Variants in HMGN5 observed in about 807,000 individuals in gnomAD.
HMGN5 encodes the protein high mobility group nucleosome-binding domain-containing protein 5.
In HMGN5, 4 loss-of-function variants were observed where a neutral mutation model predicts 9.5. The ratio of observed to expected loss-of-function variants is 0.42; its 90% CI spans 0.21 to 0.96. The LOEUF is 0.96. Among genes scored for constraint, HMGN5 ranks in the 40% least tolerant of loss-of-function variants. The pLI is 0.30. For missense variants in HMGN5, 192 were observed against 187.5 expected (o/e 1.02, Z -0.14); for synonymous variants, 55 against 57.1 (o/e 0.96, Z 0.16).
chrX:81,148,582 A>T (rs1187605377), intron 1 of HMGN5, among the ~76,000 whole-genome samples: 1 of 112,030 alleles, frequency 8.9e-6, no homozygotes, highest in Non-Finnish European at 1.9e-5. Context: ...CAAAGACTTC[A>T]TGACTAAATC....
chrX:81,145,223 A>C (rs1273406110), intron 1 of HMGN5, among the ~76,000 whole-genome samples: 1 of 111,990 alleles, frequency 8.9e-6, no homozygotes, highest in East Asian at 2.8e-4. Context: ...GAAATGAAGA[A>C]AAAAATGTTA....
chrX:81,129,626 A>G (rs2075293471), intron 1 of HMGN5, among the ~76,000 whole-genome samples: 1 of 111,631 alleles, frequency 9.0e-6, no homozygotes, highest in Non-Finnish European at 1.9e-5. Flanking sequence ...AAATCCATTT[A>G]CACTTCTCTT....
rs143203142 is a variant in HMGN5 at position 81,146,875 on chromosome X, C to T, written c.-123-25203G>A. Among the ~76,000 whole-genome samples, 18 of 111,891 alleles carry T rather than the reference C, an allele frequency of 1.6e-4. No individual in the cohort carries two copies. In the East Asian group the frequency reaches 3.4e-3, roughly 21 times the overall value. The stretch of plus-strand genomic sequence containing the variant: ...TCAGAGAATACTATAAACACCTCTA[C>T]GCCAATAAGCTAGGAAATCTAGAAG... On this transcript the variant is annotated intron_variant, in intron 1 of 6. Coordinates refer to ENST00000358130, the MANE Select transcript of HMGN5 (RefSeq NM_030763.3).
In HMGN5 at chrX:81,119,805, C is replaced by T; in HGVS notation, c.28G>A (p.Gly10Ser). Residue 10 changes from glycine (G) to serine (S), a missense_variant, in exon 3 of 7, where the codon GGT (glycine) becomes AGT (serine). Transcript: ENST00000358130. The stretch of plus-strand genomic sequence containing the variant: ...AAACTCACCTCCTGCCTCATATCAC[C>T]TTGACCTGCAGCCTACACAGAGGAG... MPKRKAAGQ[G>S]DMRQEPKRRS... The T allele has an allele frequency of 8.3e-7, 1 of 1,206,302 alleles. No homozygotes were observed. Among genetic ancestry groups the T allele is most frequent in the South Asian group, 1.8e-5 (1 of 56,803 alleles).
chrX:81,199,568 AAC>A (rs1044220287), intron 1 of HMGN5, among the ~76,000 whole-genome samples: 2 of 111,895 alleles, frequency 1.8e-5, no homozygotes, highest in African/African-American at 6.5e-5. Flanking sequence ...TCTCAGAAAT[AAC>A]ACCACACATC....
At chrX:81,190,426 C>A (rs760435407) in intron 1 of HMGN5, among the ~76,000 whole-genome samples, 1 of 111,008 alleles carries the variant, frequency 9.0e-6, no homozygotes, top group Non-Finnish European at 1.9e-5. Flanking sequence ...GACATTCTCA[C>A]GACCCCATAA....
chrX:81,200,132 A>T (rs1382468158), intron 1 of HMGN5, among the ~76,000 whole-genome samples: 1 of 112,924 alleles, frequency 8.9e-6, no homozygotes, highest in Non-Finnish European at 1.9e-5. Context: ...AATGCTCATC[A>T]TCACTGGTCA....
chrX:81,114,606 T>C lies in HMGN5; in HGVS notation c.*43A>G, dbSNP rs750169818. 6 of 1,035,518 alleles carry C rather than the reference T, an allele frequency of 5.8e-6. No homozygotes were observed. The highest frequency in any genetic ancestry group is 7.5e-6 in the Non-Finnish European group (6 of 803,343). 85.3% of individuals were successfully genotyped at this position (1,035,518 alleles called of 1,213,427 possible). A position where few individuals can be genotyped will look rare whatever the true frequency, so the allele number is the denominator to read the frequency against. On this transcript the variant is annotated 3_prime_UTR_variant, in exon 7 of 7. Transcript: ENST00000358130. The stretch of plus-strand genomic sequence containing the variant: ...ATTTATCTCTATTAACTTTACAACA[T>C]GAAGGTACATGTTACCAAATTATGA...
At chrX:81,170,454 C>T (rs996865575) in intron 1 of HMGN5, among the ~76,000 whole-genome samples, 4 of 111,390 alleles carry the variant, frequency 3.6e-5, no homozygotes, top group African/African-American at 1.3e-4. Context: ...GGTTATATTC[C>T]TTTTCTAGTA....
At chrX:81,174,019 A>T (rs756359712) in intron 1 of HMGN5, among the ~76,000 whole-genome samples, 4 of 111,528 alleles carry the variant, frequency 3.6e-5, no homozygotes, top group East Asian at 2.8e-4. Flanking sequence ...AAAGTTAGAA[A>T]TTTTTTTCTG....
rs2075528320 is a variant in HMGN5 at position 81,201,905 on chromosome X, T to A, written c.-292A>T. On this transcript the variant is annotated 5_prime_UTR_variant, in exon 1 of 7. Transcript: ENST00000358130. The stretch of plus-strand genomic sequence containing the variant: ...CGCCCTCTTCTCAGGGAAGGAATCG[T>A]CAAAAATCAATGTTTCAACAGATCT... 2 of 317,506 alleles carry A rather than the reference T, an allele frequency of 6.3e-6. No homozygotes were observed. Among genetic ancestry groups the A allele is most frequent in the Non-Finnish European group, 1.1e-5 (2 of 185,157 alleles). 26.2% of individuals were successfully genotyped at this position (317,506 alleles called of 1,213,427 possible). A position where few individuals can be genotyped will look rare whatever the true frequency, so the allele number is the denominator to read the frequency against.
At chrX:81,162,447 A>T in intron 1 of HMGN5, among the ~76,000 whole-genome samples, 1 of 109,864 alleles carries the variant, frequency 9.1e-6, no homozygotes, top group Middle Eastern at 4.7e-3. Context: ...GAACCAAGAG[A>T]CTAGAGGCAG....
At chrX:81,159,126 C>T (rs773337406) in intron 1 of HMGN5, among the ~76,000 whole-genome samples, 19 of 111,538 alleles carry the variant, frequency 1.7e-4, no homozygotes, top group East Asian at 5.6e-4. Flanking sequence ...AGCAAACTAA[C>T]GCAGCAACAG....
intron 1 of HMGN5, among the ~76,000 whole-genome samples, chrX:81,152,513 G>A (rs1255147223): frequency 2.1e-4 from 23 of 110,109 alleles, no homozygotes; most frequent in Non-Finnish European, 4.0e-4. Context: ...TGGAGAGGAT[G>A]TGGAGAAATA....
chrX:81,164,459 C>T (rs1397917252), intron 1 of HMGN5, among the ~76,000 whole-genome samples: 1 of 111,446 alleles, frequency 9.0e-6, no homozygotes, highest in Non-Finnish European at 1.9e-5. Flanking sequence ...TATATTTTGT[C>T]AATCTAGGAA....
At chrX:81,118,305 T>C in intron 5 of HMGN5, 127 bp downstream of exon 5, 1 of 395,089 alleles carries the variant, frequency 2.5e-6, no homozygotes, top group Non-Finnish European at 4.4e-6. Context: ...TATCATATGA[T>C]AGAATATAAT....
intron 1 of HMGN5, among the ~76,000 whole-genome samples, chrX:81,138,221 A>G (rs1350440382): frequency 8.9e-6 from 1 of 112,024 alleles, no homozygotes; most frequent in Admixed American, 9.5e-5. Flanking sequence ...AACCTAATCC[A>G]ACAATGTATA....
At position 81,114,109 on chromosome X, in the gene HMGN5, T is replaced by A. The variant is rs2075245189; in HGVS notation, c.*540A>T. 8.9e-6 allele frequency: 1 copy of A among 111,738 alleles called. No homozygotes were observed. The highest frequency in any genetic ancestry group is 1.9e-5 in the Non-Finnish European group (1 of 53,166). The allele number at this position is 111,738 out of a possible 1,213,427, so 9.2% of individuals were successfully genotyped here. A position where few individuals can be genotyped will look rare whatever the true frequency, so the allele number is the denominator to read the frequency against. On this transcript the variant is annotated 3_prime_UTR_variant, in exon 7 of 7. Coordinates refer to ENST00000358130, the MANE Select transcript of HMGN5 (RefSeq NM_030763.3). Reference sequence around the variant, plus strand: ...TTTATTAAGATAAATCCAGTAAAATTTGTGTATTCACATATAATCAAAACT... The same window carrying A: ...TTTATTAAGATAAATCCAGTAAAATATGTGTATTCACATATAATCAAAACT...
intron 1 of HMGN5, among the ~76,000 whole-genome samples, chrX:81,187,619 G>T (rs2075481228): frequency 9.0e-6 from 1 of 111,395 alleles, no homozygotes; most frequent in Non-Finnish European, 1.9e-5. Flanking sequence ...TTTCTTGCAG[G>T]CAACAGATAA....
Sources: allele counts gnomAD v4.1 joint callset (sites outside exome capture counted in the v4.1 genomes callset), GRCh38; gene constraint gnomAD v4.1.1; transcripts MANE v1.5; gene names NCBI Gene and HGNC (gene_info 2026-07-23, HGNC 2026-07-21).